The following CYRIB variants were observed in gnomAD, a reference collection of about 807,000 sequenced individuals.
CYRIB encodes CYFIP-related Rac1 interactor B.
CYRIB carries 8 observed loss-of-function variants against 44.2 expected under a neutral mutation model. The ratio of observed to expected loss-of-function variants is 0.18; its 90% CI spans 0.11 to 0.33. The LOEUF (loss-of-function observed/expected upper bound fraction) is 0.33. Among genes scored for constraint, CYRIB ranks in the 10% least tolerant of loss-of-function variants. The pLI, the probability that CYRIB is intolerant of heterozygous loss-of-function variation, is 1.00. For synonymous variants in CYRIB, 131 were observed against 127.2 expected (o/e 1.03, Z -0.20); for missense variants, 185 against 382.8 (o/e 0.48, Z 4.31).
chr8:129,905,477 A>G (rs1169109683), intron 1 of CYRIB, among the ~76,000 whole-genome samples: 1 of 152,192 alleles, frequency 6.6e-6, no homozygotes, highest in Non-Finnish European at 1.5e-5. Context: ...TTGGCTTCCC[A>G]AAGTGCTGGG....
At chr8:129,972,746 C>T (rs146164969) in intron 1 of CYRIB, among the ~76,000 whole-genome samples, 14 of 151,762 alleles carry the variant, frequency 9.2e-5, no homozygotes, top group Non-Finnish European at 8.8e-5. Flanking sequence ...GGAACATACC[C>T]CACGCACATG....
chr8:129,845,452 G>T (rs2039384347), intron 11 of CYRIB, among the ~76,000 whole-genome samples: 1 of 152,114 alleles, frequency 6.6e-6, no homozygotes, highest in Admixed American at 6.5e-5. Context: ...AAAACCCCAA[G>T]AATACAGAAT....
At chr8:129,952,559 C>T (rs1293785601) in intron 2 of CYRIB, among the ~76,000 whole-genome samples, 1 of 151,976 alleles carries the variant, frequency 6.6e-6, no homozygotes, top group Non-Finnish European at 1.5e-5. Context: ...AAATAATATT[C>T]TTTTTCATTT....
chr8:129,944,293 T>C (rs937324034), upstream of CYRIB, among the ~76,000 whole-genome samples: 4 of 152,096 alleles, frequency 2.6e-5, no homozygotes, highest in African/African-American at 9.7e-5. Flanking sequence ...GCAGCGAGGA[T>C]GAAGAACAGG....
At chr8:129,954,718 C>G (rs536760195) in intron 2 of CYRIB, among the ~76,000 whole-genome samples, 20 of 152,234 alleles carry the variant, frequency 1.3e-4, no homozygotes, top group African/African-American at 4.3e-4. Context: ...GAACTCTGGA[C>G]CCAGGGGGAA....
intron 2 of CYRIB, chr8:129,949,091 A>G (rs938417706): frequency 6.6e-6 from 1 of 152,146 alleles, no homozygotes; most frequent in African/African-American, 2.4e-5. Flanking sequence ...AAAGAAAAAG[A>G]GAATTCTTAA....
At chr8:129,939,204 C>T (rs1455613059) in intron 1 of CYRIB, among the ~76,000 whole-genome samples, 1 of 150,962 alleles carries the variant, frequency 6.6e-6, no homozygotes, top group African/African-American at 2.4e-5. Flanking sequence ...GGAGAAAAAG[C>T]GGCCGCGAAG....
chr8:129,984,319 G>A (rs1210377904), intron 1 of CYRIB, among the ~76,000 whole-genome samples: 1 of 152,172 alleles, frequency 6.6e-6, no homozygotes, highest in Non-Finnish European at 1.5e-5. Context: ...CCCATCCAGT[G>A]TCTCCCAGGC....
At chr8:129,841,790 G>A (rs1309544540) in exon 12 of CYRIB, 12 of 180,356 alleles carry the variant, frequency 6.7e-5, no homozygotes, top group Non-Finnish European at 4.6e-5. Context: ...AGAATAGGCA[G>A]TTTTGCCATG....
Position 129,858,322 on chromosome 8 carries a change from AT to A in CYRIB, c.302-2576del, listed in dbSNP as rs770362683. On this transcript the variant is annotated intron_variant, in intron 5 of 11. Transcript: ENST00000519824. ...TTAAAAAGCAGATGACCAGGAGAAAATTAATAGTCTATTAAGCCCTAAGTTC... is the reference window on the plus strand; with the variant it reads ...TTAAAAAGCAGATGACCAGGAGAAAATAATAGTCTATTAAGCCCTAAGTTC... 9.8e-5 allele frequency among the ~76,000 whole-genome samples: 15 copies of A among 152,312 alleles called. No homozygotes were observed. The South Asian group carries it at 1.9e-3, about 19-fold the overall frequency.
At chr8:129,899,178 AT>A (rs1342246552) in intron 2 of CYRIB, among the ~76,000 whole-genome samples, 2 of 152,064 alleles carry the variant, frequency 1.3e-5, no homozygotes, top group Non-Finnish European at 1.5e-5. Context: ...TCATTATATC[AT>A]TTTTTAAAAT....
intron 2 of CYRIB, among the ~76,000 whole-genome samples, chr8:129,887,861 T>TG (rs2063412894): frequency 6.6e-6 from 1 of 152,208 alleles, no homozygotes; most frequent in African/African-American, 2.4e-5. Context: ...GTACCCTCAT[T>TG]GTATCTTGGA....
At chr8:129,842,058 G>GT (rs1438230872) in exon 12 of CYRIB, 3 of 866,054 alleles carry the variant, frequency 3.5e-6, no homozygotes, top group Non-Finnish European at 5.6e-6. Flanking sequence ...AAATGAGATA[G>GT]TAATTGCAAT....
Position 130,002,778 on chromosome 8 carries a change from T to A in CYRIB, c.-296+13592A>T, listed in dbSNP as rs2096936681. 3.3e-5 allele frequency among the ~76,000 whole-genome samples: 5 copies of A among 152,224 alleles called. No homozygotes were observed. In the South Asian group the frequency reaches 1.0e-3, roughly 31 times the overall value. On this transcript the variant is annotated intron_variant, in intron 1 of 14. Coordinates refer to the CYRIB transcript ENST00000401979. ...CGTGGTTACTGTCAGACACTTAGAT[T>A]ATTTCCAATTTATTTTGTTACTGTA...
intron 1 of CYRIB, among the ~76,000 whole-genome samples, chr8:129,973,064 T>C (rs2095777548): frequency 6.6e-6 from 1 of 151,544 alleles, no homozygotes; most frequent in Non-Finnish European, 1.5e-5. Flanking sequence ...GTGCCAAGCA[T>C]TGTGGCCATG....
intron 1 of CYRIB, among the ~76,000 whole-genome samples, chr8:129,997,698 TC>T (rs1383399243): frequency 2.0e-5 from 3 of 152,054 alleles, no homozygotes; most frequent in Admixed American, 2.0e-4. Flanking sequence ...TGGGTTCCCC[TC>T]CCCCTCCTGC....
At chr8:129,993,099 A>G (rs6470788) in intron 1 of CYRIB, among the ~76,000 whole-genome samples, 47,156 of 152,102 alleles carry the variant, frequency 0.31, 7,573 homozygotes, top group Middle Eastern at 0.48. Context: ...ACAGAACTCA[A>G]CATCTTCCCC....
At chr8:129,888,761 T>C (rs190628743) in intron 2 of CYRIB, among the ~76,000 whole-genome samples, 38 of 152,254 alleles carry the variant, frequency 2.5e-4, no homozygotes, top group Admixed American at 2.0e-3. Context: ...TGGGATGTAG[T>C]TGGTATTCAT....
At chr8:129,945,718 A>G (rs114633091) in intron 2 of CYRIB, among the ~76,000 whole-genome samples, 16 of 152,256 alleles carry the variant, frequency 1.1e-4, no homozygotes, top group African/African-American at 3.6e-4. Context: ...GATTACAGGC[A>G]TGAGCCACCA....
Sources: allele counts gnomAD v4.1 joint callset (sites outside exome capture counted in the v4.1 genomes callset), GRCh38; gene constraint gnomAD v4.1.1; transcripts MANE v1.5; gene names NCBI Gene and HGNC (gene_info 2026-07-23, HGNC 2026-07-21).